RASA3: variants seen among roughly 807,000 people sequenced by gnomAD.
RASA3 encodes RAS p21 protein activator 3.
Under a neutral mutation model 110.0 loss-of-function variants are expected in RASA3, and 73 were observed. The ratio of observed to expected loss-of-function variants is 0.66; its 90% CI spans 0.55 to 0.81. RASA3 has a LOEUF of 0.81. RASA3 is among the 30% of genes least tolerant of loss of function. The pLI, the probability that RASA3 is intolerant of heterozygous loss-of-function variation, is 0.00. For synonymous variants in RASA3, 500 were observed against 451.4 expected, an observed-to-expected ratio of 1.11 and a Z score of -1.37; for missense variants, 976 against 1,113.2, an observed-to-expected ratio of 0.88 and a Z score of 1.75.
In RASA3 at chr13:114,065,318, C is replaced by T. The variant is rs965048354; in HGVS notation, c.173+8402G>A. The stretch of plus-strand genomic sequence containing the variant: ...CTGGTTTCCCAGCTCTGTGCTCTGC[C>T]GCAGGCTCGGGGCCCATTTCCCAAA... On this transcript the variant is annotated intron_variant, in intron 2 of 23. Transcript: ENST00000334062. The surrounding 1 kb of genome is among the most constrained non-coding windows in gnomAD (Gnocchi z 4.1). Among the ~76,000 whole-genome samples, 10 of 152,212 alleles carry T rather than the reference C, an allele frequency of 6.6e-5. No individual in the cohort carries two copies. The highest frequency in any genetic ancestry group is 2.1e-4 in the South Asian group (1 of 4,830).
At position 114,011,282 on chromosome 13, in the gene RASA3, G is replaced by A; in HGVS notation, c.1513-34C>T. The A allele has an allele frequency of 6.4e-7, 1 of 1,552,934 alleles. No homozygotes were observed. Among genetic ancestry groups the A allele is most frequent in the Non-Finnish European group, 8.9e-7 (1 of 1,128,644 alleles). On this transcript the variant is annotated intron_variant, in intron 15 of 23. Transcript: ENST00000334062. This position sits in a 1 kb window ranked among gnomAD's most constrained non-coding sequence, Gnocchi z 4.8. ...GCGGGAGCAAGAAAGGTCTATGTCAGCATCACAGAAATGCTGTGACTGTCC... is the reference window on the plus strand; with the variant it reads ...GCGGGAGCAAGAAAGGTCTATGTCAACATCACAGAAATGCTGTGACTGTCC...
chr13:114,101,123 G>A (rs1460739092), intron 1 of RASA3, among the ~76,000 whole-genome samples: 1 of 152,134 alleles, frequency 6.6e-6, no homozygotes, highest in Admixed American at 6.5e-5. Context: ...AGCAAGGCGG[G>A]TTCTGCAGGC....
chr13:114,095,627 C>T (rs4063), intron 1 of RASA3, among the ~76,000 whole-genome samples: 53,539 of 151,828 alleles, frequency 0.35, 9,473 homozygotes, highest in Middle Eastern at 0.44. Flanking sequence ...CCTTCACATG[C>T]GTCCACTCAC....
chr13:114,132,339 G>A (rs1207536369), intron 1 of RASA3, 96 bp downstream of exon 1: 18 of 1,275,022 alleles, frequency 1.4e-5, no homozygotes, highest in African/African-American at 3.1e-5. Flanking sequence ...CGTCTCCGCC[G>A]GGGTCCCCAG....
chr13:114,066,147 C>G (rs2079445692), intron 2 of RASA3, among the ~76,000 whole-genome samples: 2 of 152,262 alleles, frequency 1.3e-5, no homozygotes, highest in East Asian at 3.9e-4. Context: ...ACATGAGGCT[C>G]TTTCCTCTCT....
At chr13:114,021,030 C>T (rs1050757925) in intron 9 of RASA3, among the ~76,000 whole-genome samples, 7 of 152,058 alleles carry the variant, frequency 4.6e-5, no homozygotes, top group Non-Finnish European at 8.8e-5. Context: ...GTCCCACTTT[C>T]GCCCAGGATC....
intron 1 of RASA3, among the ~76,000 whole-genome samples, chr13:114,117,555 G>A (rs565537309): frequency 2.7e-5 from 4 of 146,452 alleles, no homozygotes; most frequent in African/African-American, 5.1e-5. Flanking sequence ...AGGGGAGCAC[G>A]TGTGTGAGGG....
chr13:114,017,413 G>A (rs2053818821), intron 11 of RASA3, 62 bp from the exon 12 acceptor site: 1 of 1,362,986 alleles, frequency 7.3e-7, no homozygotes, highest in East Asian at 2.4e-5. Flanking sequence ...AGACGGAGCA[G>A]AGCCTGGCCC....
chr13:114,028,546 A>C (rs544851795), intron 5 of RASA3, among the ~76,000 whole-genome samples: 2 of 147,112 alleles, frequency 1.4e-5, no homozygotes, highest in Non-Finnish European at 3.0e-5. Context: ...CCTCTAAAAC[A>C]GCGTCATCCT....
rs1363871413 is a variant in RASA3 at position 113,995,742 on chromosome 13, GGGGGCCCGGCTGAC to G, written c.2141+775_2141+788del. 1.1e-3 allele frequency among the ~76,000 whole-genome samples: 16 copies of G among 14,028 alleles called. 1 individual carries two copies. The highest frequency in any genetic ancestry group is 1.5e-3 in the Non-Finnish European group (13 of 8,398). The allele number at this position is 14,028 out of a possible 152,430, so 9.2% of individuals were successfully genotyped here. ...CCAGCTGATGGGGGGCCCGGCTGACGGGGGCCCGGCTGACGGGGGCCCGGCTGACGGGGGGCCCG... is the reference window on the plus strand; with the variant it reads ...CCAGCTGATGGGGGGCCCGGCTGACGGGGGGCCCGGCTGACGGGGGGCCCG... On this transcript the variant is annotated intron_variant, in intron 21 of 23. Coordinates refer to ENST00000334062, the MANE Select transcript of RASA3 (RefSeq NM_007368.4).
chr13:114,101,022 T>C (rs1237332983), intron 1 of RASA3, among the ~76,000 whole-genome samples: 1 of 152,164 alleles, frequency 6.6e-6, no homozygotes, highest in African/African-American at 2.4e-5. Context: ...TCAGCCTGTG[T>C]CAGGCTGGAC....
chr13:114,054,497 T>C (rs950939798), intron 2 of RASA3, among the ~76,000 whole-genome samples: 8 of 151,382 alleles, frequency 5.3e-5, no homozygotes, highest in Admixed American at 2.0e-4. Context: ...GTGGGAGGGG[T>C]CCAGAGTCCA....
In RASA3 at chr13:114,027,460, A is replaced by G; in HGVS notation, c.532T>C (p.Ser178Pro). 4 of 1,609,166 alleles carry G rather than the reference A, an allele frequency of 2.5e-6. No homozygotes were observed. Among genetic ancestry groups the G allele is most frequent in the East Asian group, 2.2e-5 (1 of 44,862 alleles). ...ATVTLAGPFR[S>P]EAKKTKVKRK... ...TTCACTTTCGTCTTCTTTGCTTCTG[A>G]TCTGTTATCAAGTGAGAAAGGATTG... Residue 178 changes from serine to proline, a missense_variant and splice_region_variant, in exon 7 of 24, where the codon TCA becomes CCA. Physicochemically the swap from Ser to Pro is moderately conservative, Grantham distance 74 (BLOSUM62 -1). This residue lies in a region of RASA3 where 732 missense variants were observed against 779.7 expected (regional missense o/e 0.94). Coordinates refer to ENST00000334062, the MANE Select transcript of RASA3 (RefSeq NM_007368.4).
chr13:114,042,725 C>T lies in RASA3; in HGVS notation c.278-1631G>A, dbSNP rs565083265. 1.1e-4 allele frequency among the ~76,000 whole-genome samples: 17 copies of T among 152,340 alleles called. 2 individuals are homozygous for T. The South Asian group carries it at 2.3e-3, about 20-fold the overall frequency. ...ATATTTCCGTGTCTCAAAAAACTTC[C>T]GCAGGCTCCCATCGGAACAACCCTG... On this transcript the variant is annotated intron_variant, in intron 3 of 23. Transcript: ENST00000334062.
rs2053749407 is a variant in RASA3 at position 114,014,670 on chromosome 13, C to A, written c.1405+539G>T. On this transcript the variant is annotated intron_variant, in intron 14 of 23. Coordinates refer to ENST00000334062, the MANE Select transcript of RASA3 (RefSeq NM_007368.4). This position sits in a 1 kb window ranked among gnomAD's most constrained non-coding sequence, Gnocchi z 4.5. ...AGAAGTGGGGTTTGGGTGCTGGATGCCCAGGTCCCTAGGGGATCTCCGGCT... is the reference window on the plus strand; with the variant it reads ...AGAAGTGGGGTTTGGGTGCTGGATGACCAGGTCCCTAGGGGATCTCCGGCT... Among the ~76,000 whole-genome samples, 1 of 152,102 alleles carries A rather than the reference C, an allele frequency of 6.6e-6. No individual in the cohort carries two copies. Among genetic ancestry groups the A allele is most frequent in the Non-Finnish European group, 1.5e-5 (1 of 67,986 alleles).
At chr13:114,108,353 T>C (rs12018658) in intron 1 of RASA3, among the ~76,000 whole-genome samples, 49,165 of 102,324 alleles carry the variant, frequency 0.48, 12,693 homozygotes, top group East Asian at 0.72. Context: ...CGTCATCCCG[T>C]GTCCATCACC....
chr13:114,095,084 A>T (rs1055546065), intron 1 of RASA3, among the ~76,000 whole-genome samples: 24 of 152,214 alleles, frequency 1.6e-4, no homozygotes, highest in African/African-American at 5.8e-4. Context: ...AGCGGAATTT[A>T]CTATTTAGTA....
At chr13:114,104,800 G>T (rs962088715) in intron 1 of RASA3, among the ~76,000 whole-genome samples, 1 of 152,014 alleles carries the variant, frequency 6.6e-6, no homozygotes, top group African/African-American at 2.4e-5. Context: ...CTGTTCTGGA[G>T]GGGGGGCTAC....
At chr13:113,990,850 C>CTGGGAACATGTGTGTACATGGCTA (rs1227891793) in intron 22 of RASA3, among the ~76,000 whole-genome samples, 1 of 152,164 alleles carries the variant, frequency 6.6e-6, no homozygotes, top group African/African-American at 2.4e-5. Context: ...ACATGTATTG[C>CTGGGAACATGTGTGTACATGGCTA]TGGGAACATG....
Sources: gnomAD v4.1 joint callset for allele counts (sites outside exome capture counted in the v4.1 genomes callset) on GRCh38, gnomAD v4.1.1 for gene constraint, gnomAD v4.1.1 regional missense constraint, Gnocchi (gnomAD v3.1) non-coding constraint, MANE v1.5 for transcripts, NCBI Gene and HGNC (gene_info 2026-07-23, HGNC 2026-07-21) for gene names.